Variants in MS4A12 observed in about 807,000 individuals in gnomAD.
MS4A12 encodes membrane-spanning 4-domains subfamily A member 12.
Under a neutral mutation model 23.7 loss-of-function variants are expected in MS4A12, and 28 were observed. That is an observed-to-expected ratio of 1.18 (90% confidence interval 0.88 to 1.62). The LOEUF is 1.62. Ranked by LOEUF, MS4A12 falls within the 40% of genes most tolerant of loss-of-function variation. MS4A12 has a pLI of 0.00. For synonymous variants in MS4A12, 108 were observed against 110.1 expected (o/e 0.98, Z 0.12); for missense variants, 342 against 327.0 (o/e 1.05, Z -0.35).
At chr11:60,501,205 A>C in intron 3 of MS4A12, 23 bp downstream of exon 3, 5 of 1,581,494 alleles carry the variant, frequency 3.2e-6, no homozygotes, top group Non-Finnish European at 4.3e-6. Flanking sequence ...CTAGAACACC[A>C]GTCCTTCTTG....
At chr11:60,505,805 A>C (rs1417208400) in intron 5 of MS4A12, among the ~76,000 whole-genome samples, 1 of 152,210 alleles carries the variant, frequency 6.6e-6, no homozygotes, top group Non-Finnish European at 1.5e-5. Flanking sequence ...AGGAGACAGA[A>C]GAAAGGGCAA....
intron 2 of MS4A12, 83 bp downstream of exon 2, chr11:60,497,677 A>G (rs1361637301): frequency 1.9e-5 from 28 of 1,436,194 alleles, no homozygotes; most frequent in Non-Finnish European, 2.7e-5. Flanking sequence ...TCCAATTGCT[A>G]AAAAGTTCTG....
At chr11:60,493,308 G>A (rs567140056) in intron 1 of MS4A12, among the ~76,000 whole-genome samples, 8 of 151,638 alleles carry the variant, frequency 5.3e-5, no homozygotes, top group Admixed American at 2.0e-4. Context: ...CTCGGGAGGC[G>A]GAGGTTGCAG....
chr11:60,503,447 A>G (rs1440919215), intron 4 of MS4A12, among the ~76,000 whole-genome samples: 3 of 152,174 alleles, frequency 2.0e-5, no homozygotes. Context: ...AGCTTTTAGT[A>G]AAATCCAATA....
At chr11:60,494,918 A>T (rs1459910702) in intron 1 of MS4A12, among the ~76,000 whole-genome samples, 2 of 152,070 alleles carry the variant, frequency 1.3e-5, no homozygotes, top group African/African-American at 4.8e-5. Context: ...ACGTGGTGTT[A>T]CTCCAAGAGT....
At chr11:60,503,427 T>C (rs1013219368) in intron 4 of MS4A12, among the ~76,000 whole-genome samples, 1 of 152,202 alleles carries the variant, frequency 6.6e-6, no homozygotes, top group Admixed American at 6.5e-5. Context: ...ATAGTTGTTA[T>C]TGTGCATGAA....
chr11:60,497,390 C>A lies in MS4A12; in HGVS notation c.72C>A (p.Ser24Arg). 1 of 1,614,194 alleles carries A rather than the reference C, an allele frequency of 6.2e-7. No individual in the cohort carries two copies. ...TACCCAACCCTTACCCACCAAGCAG[C>A]TTTATGGCTCCTGGATTTCAACAGC... ...ETIPNPYPPS[S>R]FMAPGFQQPL... The change falls in exon 2 of 7, where the codon AGC becomes AGA. Residue 24 changes from serine to arginine, a missense_variant. By Grantham distance (110) the Ser-to-Arg change is moderately radical. Transcript: ENST00000016913.
chr11:60,496,935 GGTC>G (rs2086491400), intron 1 of MS4A12, among the ~76,000 whole-genome samples: 2 of 152,062 alleles, frequency 1.3e-5, no homozygotes, highest in African/African-American at 4.8e-5. Context: ...TTCCACCTCA[GGTC>G]ATCAGGAATT....
chr11:60,497,714 A>T, intron 2 of MS4A12, 120 bp downstream of exon 2: 1 of 1,134,984 alleles, frequency 8.8e-7, no homozygotes, highest in Non-Finnish European at 1.2e-6. Context: ...TATCTCTTTT[A>T]GACAGAAATA....
At chr11:60,497,645 T>C (rs1167362042) in intron 2 of MS4A12, 51 bp downstream of exon 2, 1 of 1,578,106 alleles carries the variant, frequency 6.3e-7, no homozygotes, top group Non-Finnish European at 8.7e-7. Context: ...AAGGTCTTCT[T>C]ATAAGTTATA....
intron 1 of MS4A12, among the ~76,000 whole-genome samples, chr11:60,494,996 A>AT (rs11331718): frequency 0.01 from 1,462 of 141,204 alleles, 8 homozygotes; most frequent in African/African-American, 0.017. Flanking sequence ...ATGTGTTTAC[A>AT]TTTTTTTTTT....
Position 60,497,449 on chromosome 11 carries a change from A to G in MS4A12, c.131A>G (p.Gln44Arg), listed in dbSNP as rs1296879315. 8.1e-6 allele frequency: 13 copies of G among 1,614,090 alleles called. No individual in the cohort carries two copies. The highest frequency in any genetic ancestry group is 1.0e-5 in the Non-Finnish European group (12 of 1,180,040). Residue 44 changes from glutamine to arginine, a missense_variant, in exon 2 of 7, where the codon CAG (glutamine) becomes CGG (arginine). Gln to Arg is a conservative substitution (Grantham distance 43). Transcript: ENST00000016913. ...TCAATCAACTTAGAAAACCAAGCTCAGGGTGCTCAGCGTGCTCAGCCCTAC... is the reference window on the plus strand; with the variant it reads ...TCAATCAACTTAGAAAACCAAGCTCGGGGTGCTCAGCGTGCTCAGCCCTAC... ...LGSINLENQA[Q>R]GAQRAQPYGI...
In MS4A12 at chr11:60,497,393, T is replaced by C. The variant is rs1272742539; in HGVS notation, c.75T>C (p.Phe25=). 1 of 1,614,188 alleles carries C rather than the reference T, an allele frequency of 6.2e-7. No individual in the cohort carries two copies. The change falls in exon 2 of 7, where the codon TTT becomes TTC. Residue 25 remains phenylalanine (F), a synonymous_variant. Transcript: ENST00000016913. ...CCAACCCTTACCCACCAAGCAGCTT[T>C]ATGGCTCCTGGATTTCAACAGCCTC... is the stretch of plus-strand genomic sequence containing the variant. ...TIPNPYPPSS[F]MAPGFQQPLG...
chr11:60,497,718 A>C, intron 2 of MS4A12, 124 bp downstream of exon 2: 1 of 1,081,830 alleles, frequency 9.2e-7, no homozygotes, highest in East Asian at 2.6e-5. Flanking sequence ...TCTTTTAGAC[A>C]GAAATATTTA....
At position 60,507,354 on chromosome 11, in the gene MS4A12, T is replaced by C; in HGVS notation, c.*230T>C. 2.0e-6 allele frequency: 1 copy of C among 495,500 alleles called. No individual in the cohort carries two copies. The highest frequency in any genetic ancestry group is 3.6e-6 in the Non-Finnish European group (1 of 279,912). 30.7% of individuals were successfully genotyped at this position (495,500 alleles called of 1,614,324 possible). On this transcript the variant is annotated 3_prime_UTR_variant, in exon 7 of 7. Transcript: ENST00000016913. The stretch of plus-strand genomic sequence containing the variant: ...GAAGGATCAGAGGACTGAAAAATGA[T>C]TCTGCAACTCTCTTAAAGTTAGAAA...
At position 60,497,372 on chromosome 11, in the gene MS4A12, C is replaced by T; in HGVS notation, c.54C>T (p.Asn18=). The T allele has an allele frequency of 1.2e-6, 2 of 1,614,202 alleles. No homozygotes were observed. Among genetic ancestry groups the T allele is most frequent in the East Asian group, 2.2e-5 (1 of 44,878 alleles). ...CTGAAGTAAATGAAACCATACCCAA[C>T]CCTTACCCACCAAGCAGCTTTATGG... is the stretch of plus-strand genomic sequence containing the variant. The part of the protein sequence containing the change: ...SHAEVNETIP[N]PYPPSSFMAP... The change falls in exon 2 of 7, where the codon AAC becomes AAT. Residue 18 remains asparagine, a synonymous_variant. Coordinates refer to ENST00000016913, the MANE Select transcript of MS4A12 (RefSeq NM_017716.3).
chr11:60,504,402 G>A (rs2086555025), intron 5 of MS4A12, among the ~76,000 whole-genome samples: 1 of 152,224 alleles, frequency 6.6e-6, no homozygotes, highest in Non-Finnish European at 1.5e-5. Flanking sequence ...AAGGAATGGA[G>A]CAACATGGTA....
chr11:60,504,730 C>T (rs1009714610), intron 5 of MS4A12, among the ~76,000 whole-genome samples: 10 of 152,166 alleles, frequency 6.6e-5, no homozygotes. Context: ...TCACTCAATA[C>T]TGTGTAAGTA....
intron 1 of MS4A12, among the ~76,000 whole-genome samples, chr11:60,495,177 T>C (rs1473294219): frequency 6.7e-6 from 1 of 148,412 alleles, no homozygotes; most frequent in Non-Finnish European, 1.5e-5. Context: ...TTTTTTTTTG[T>C]ATTTTTAGTA....
Sources: gnomAD v4.1 joint callset for allele counts (sites outside exome capture counted in the v4.1 genomes callset) on GRCh38, gnomAD v4.1.1 for gene constraint, MANE v1.5 for transcripts, NCBI Gene and HGNC (gene_info 2026-07-23, HGNC 2026-07-21) for gene names.